The following CYP7B1 variants were observed in gnomAD, a reference collection of about 807,000 sequenced individuals.
CYP7B1 encodes the protein cytochrome P450 family 7 subfamily B member 1.
CYP7B1 carries 29 observed loss-of-function variants against 42.7 expected under a neutral mutation model. The ratio of observed to expected loss-of-function variants is 0.68; its 90% CI spans 0.51 to 0.93. CYP7B1 has a LOEUF of 0.93. Among genes scored for constraint, CYP7B1 ranks in the 40% least tolerant of loss-of-function variants. The probability of loss-of-function intolerance (pLI) is 0.00; values close to 1 mark genes in which losing one functional copy is unlikely to be tolerated. For synonymous variants in CYP7B1, 235 were observed against 218.2 expected (o/e 1.08, Z -0.68); for missense variants, 655 against 600.5 (o/e 1.09, Z -0.95).
In CYP7B1 at chr8:64,798,597, G is replaced by A. The variant is rs1201168577; in HGVS notation, c.-10C>T. On this transcript the variant is annotated 5_prime_UTR_variant, in exon 1 of 6. Transcript: ENST00000310193. ...ACACTTCTCCTGCCATCCGGCGCGC[G>A]CTAGGCCGCGGTGGGCAGCCCGGGG... 9 of 1,457,678 alleles carry A rather than the reference G, an allele frequency of 6.2e-6. No homozygotes were observed. The Admixed American group carries it at 7.8e-5, about 13-fold the overall frequency. The allele number at this position is 1,457,678 out of a possible 1,614,324, so 90.3% of individuals were successfully genotyped here.
intron 1 of CYP7B1, among the ~76,000 whole-genome samples, chr8:64,782,551 G>C (rs1804446684): frequency 6.6e-6 from 1 of 152,078 alleles, no homozygotes; most frequent in South Asian, 2.1e-4. Context: ...ATTTTTATTA[G>C]AGCACCCAAA....
rs116593688 is a variant in CYP7B1, at chr8:64,604,228, A to G, written c.1233+454T>C. 6.9e-3 allele frequency among the ~76,000 whole-genome samples: 1,045 copies of G among 152,306 alleles called. 14 individuals carry two copies. Among genetic ancestry groups the G allele is most frequent in the African/African-American group, 0.024 (980 of 41,558 alleles). On this transcript the variant is annotated intron_variant, in intron 5 of 5. Transcript: ENST00000310193. ...ACATACCTTTCATAAGAGGTGGAAAAGTATATGGGCTTAACTACAGCAATG... is the reference window on the plus strand; with the variant it reads ...ACATACCTTTCATAAGAGGTGGAAAGGTATATGGGCTTAACTACAGCAATG...
intron 1 of CYP7B1, among the ~76,000 whole-genome samples, chr8:64,749,168 C>G (rs1807691525): frequency 6.6e-6 from 1 of 152,000 alleles, no homozygotes; most frequent in African/African-American, 2.4e-5. Flanking sequence ...GCAACCTCTG[C>G]CTCCTGGATT....
intron 1 of CYP7B1, among the ~76,000 whole-genome samples, chr8:64,737,280 T>C (rs1807503994): frequency 1.3e-5 from 2 of 152,166 alleles, no homozygotes; most frequent in African/African-American, 4.8e-5. Context: ...ATTTAAAGAT[T>C]ATCCCTCAAT....
intron 1 of CYP7B1, among the ~76,000 whole-genome samples, chr8:64,794,830 A>C (rs1804679844): frequency 6.6e-6 from 1 of 152,236 alleles, no homozygotes; most frequent in Admixed American, 6.5e-5. Flanking sequence ...AGCTTCCATG[A>C]GTTCAGAATA....
rs1294845737 is a variant in CYP7B1 at position 64,798,495 on chromosome 8, C to T, written c.93G>A (p.Leu31=). Reference sequence around the variant, plus strand: ...TGCGCCGGACAAGCAAGCAGAGGGCCAGGAGCAGCAGGGCCGCGGCGAGGG... The same window carrying T: ...TGCGCCGGACAAGCAAGCAGAGGGCTAGGAGCAGCAGGGCCGCGGCGAGGG... The part of the protein sequence containing the change: ...GLALAAALLL[L]ALCLLVRRTR... Residue 31 remains leucine (L), a synonymous_variant, in exon 1 of 6, where the codon CTG becomes CTA. Transcript: ENST00000310193. 2.6e-6 allele frequency: 4 copies of T among 1,511,662 alleles called. No homozygotes were observed. Among genetic ancestry groups the T allele is most frequent in the Non-Finnish European group, 3.5e-6 (4 of 1,138,714 alleles). 93.6% of individuals were successfully genotyped at this position (1,511,662 alleles called of 1,614,324 possible).
intron 1 of CYP7B1, among the ~76,000 whole-genome samples, chr8:64,694,655 A>C (rs187829897): frequency 6.6e-6 from 1 of 152,302 alleles, no homozygotes; most frequent in Non-Finnish European, 1.5e-5. Flanking sequence ...AAAATTAGTT[A>C]ATATTTCAAG....
intron 1 of CYP7B1, among the ~76,000 whole-genome samples, chr8:64,667,609 T>C (rs571789609): frequency 6.6e-6 from 1 of 152,312 alleles, no homozygotes; most frequent in African/African-American, 2.4e-5. Flanking sequence ...AATTTATTAG[T>C]CTGCTCACCA....
chr8:64,754,755 A>G (rs1807782572), intron 1 of CYP7B1, among the ~76,000 whole-genome samples: 1 of 152,226 alleles, frequency 6.6e-6, no homozygotes, highest in African/African-American at 2.4e-5. Flanking sequence ...AAGCCCCTGC[A>G]GAGTTTTTAA....
chr8:64,775,536 GCCAGA>G (rs1804310189), intron 1 of CYP7B1, among the ~76,000 whole-genome samples: 1 of 152,102 alleles, frequency 6.6e-6, no homozygotes, highest in Non-Finnish European at 1.5e-5. Flanking sequence ...CCTACAATGT[GCCAGA>G]CATTTTTCTA....
intron 1 of CYP7B1, among the ~76,000 whole-genome samples, chr8:64,659,598 A>G (rs1194109489): frequency 6.6e-6 from 1 of 152,216 alleles, no homozygotes; most frequent in Admixed American, 6.6e-5. Flanking sequence ...GCACAACATT[A>G]TAATAAGTTT....
chr8:64,689,179 G>A (rs745809482), intron 1 of CYP7B1, among the ~76,000 whole-genome samples: 9 of 152,116 alleles, frequency 5.9e-5, no homozygotes, highest in African/African-American at 7.2e-5. Flanking sequence ...TCCTATGCAA[G>A]TTCACTGTTT....
chr8:64,708,100 T>C (rs1436446981), intron 1 of CYP7B1, among the ~76,000 whole-genome samples: 1 of 152,200 alleles, frequency 6.6e-6, no homozygotes, highest in African/African-American at 2.4e-5. Flanking sequence ...CCTGGTGTTA[T>C]GTAAGTTTGC....
At chr8:64,675,226 C>T (rs1479744927) in intron 1 of CYP7B1, among the ~76,000 whole-genome samples, 1 of 152,020 alleles carries the variant, frequency 6.6e-6, no homozygotes, top group African/African-American at 2.4e-5. Flanking sequence ...TCCTCCTAAC[C>T]TAGTCCTTCT....
intron 1 of CYP7B1, among the ~76,000 whole-genome samples, chr8:64,734,811 A>G (rs1008514550): frequency 1.3e-5 from 2 of 152,194 alleles, no homozygotes; most frequent in Non-Finnish European, 2.9e-5. Flanking sequence ...AAGCATAAAC[A>G]CTTTTCTTTA....
At chr8:64,722,859 G>A (rs925338007) in intron 1 of CYP7B1, among the ~76,000 whole-genome samples, 12 of 150,568 alleles carry the variant, frequency 8.0e-5, no homozygotes, top group African/African-American at 2.9e-4. Context: ...ATGACTGGAA[G>A]CCTGATCAAT....
intron 1 of CYP7B1, among the ~76,000 whole-genome samples, chr8:64,698,994 A>T (rs1806873886): frequency 6.6e-6 from 1 of 152,146 alleles, no homozygotes; most frequent in African/African-American, 2.4e-5. Flanking sequence ...CAGAATTTTA[A>T]ATTTCAGCCA....
intron 1 of CYP7B1, among the ~76,000 whole-genome samples, chr8:64,647,210 G>A (rs1463243179): frequency 6.6e-6 from 1 of 152,088 alleles, no homozygotes; most frequent in Non-Finnish European, 1.5e-5. Flanking sequence ...TACCGATTAA[G>A]CTCACTATCT....
At chr8:64,692,078 G>T (rs936436594) in intron 1 of CYP7B1, among the ~76,000 whole-genome samples, 1 of 152,126 alleles carries the variant, frequency 6.6e-6, no homozygotes, top group African/African-American at 2.4e-5. Flanking sequence ...TCACAGAAAT[G>T]AATACGCATA....
Sources: allele counts gnomAD v4.1 joint callset (sites outside exome capture counted in the v4.1 genomes callset), GRCh38; gene constraint gnomAD v4.1.1; transcripts MANE v1.5; gene names NCBI Gene and HGNC (gene_info 2026-07-23, HGNC 2026-07-21).